SIPA1L1: variants seen among roughly 807,000 people sequenced by gnomAD.
The protein encoded by SIPA1L1 is signal-induced proliferation-associated 1-like protein 1.
Under a neutral mutation model 162.7 loss-of-function variants are expected in SIPA1L1, and 26 were observed. The observed-to-expected ratio is 0.16, with a 90% confidence interval of 0.12 to 0.22. The LOEUF is 0.22. Among genes scored for constraint, SIPA1L1 ranks in the 10% least tolerant of loss-of-function variants. SIPA1L1 has a pLI of 1.00. For synonymous variants in SIPA1L1, 829 were observed against 837.4 expected (o/e 0.99, Z 0.17); for missense variants, 1,874 against 2,241.0 (o/e 0.84, Z 3.31).
intron 5 of SIPA1L1, among the ~76,000 whole-genome samples, chr14:71,595,115 C>A (rs533914886): frequency 5.3e-5 from 8 of 152,092 alleles, no homozygotes; most frequent in Admixed American, 3.9e-4. Context: ...CTTAAAAGGG[C>A]GTGGGCTTCA....
intron 3 of SIPA1L1, 84 bp from the exon 4 acceptor site, chr14:71,529,228 A>G (rs777659044): frequency 4.0e-5 from 18 of 449,936 alleles, no homozygotes; most frequent in Non-Finnish European, 3.9e-5. Flanking sequence ...AACAAAGATA[A>G]GACCTGTGTA....
At chr14:71,342,967 G>A (rs1396211993) in intron 2 of SIPA1L1, among the ~76,000 whole-genome samples, 1 of 152,196 alleles carries the variant, frequency 6.6e-6, no homozygotes, top group African/African-American at 2.4e-5. Flanking sequence ...AGGCCACGAT[G>A]TGCCTTCTAA....
intron 2 of SIPA1L1, among the ~76,000 whole-genome samples, chr14:71,476,204 A>G (rs894339557): frequency 2.0e-5 from 3 of 152,200 alleles, no homozygotes; most frequent in Non-Finnish European, 2.9e-5. Context: ...TGAAGGAGGT[A>G]TGTATAACCC....
At chr14:71,344,642 C>T (rs1016072696) in intron 2 of SIPA1L1, among the ~76,000 whole-genome samples, 8 of 152,168 alleles carry the variant, frequency 5.3e-5, no homozygotes, top group South Asian at 4.1e-4. Flanking sequence ...TCACTGCAAC[C>T]GCTGCCTCCT....
In SIPA1L1 at chr14:71,661,470, G is replaced by A; in HGVS notation, c.2255+3G>A. Reference sequence around the variant, plus strand: ...TGCTCTGACAGTGTCTGTTATAGGTGTGTATGGGTGTCACAGCAGGGGCTC... The same window carrying A: ...TGCTCTGACAGTGTCTGTTATAGGTATGTATGGGTGTCACAGCAGGGGCTC... On this transcript the variant is annotated splice_donor_region_variant and intron_variant, in intron 10 of 23. Transcript: ENST00000381232. The A allele has an allele frequency of 6.2e-7, 1 of 1,611,448 alleles. No homozygotes were observed. Among genetic ancestry groups the A allele is most frequent in the Non-Finnish European group, 8.5e-7 (1 of 1,178,182 alleles).
At chr14:71,727,758 G>GGGGCTGC (rs1279938069) in intron 19 of SIPA1L1, among the ~76,000 whole-genome samples, 1 of 152,262 alleles carries the variant, frequency 6.6e-6, no homozygotes, top group Non-Finnish European at 1.5e-5. Flanking sequence ...AAGGCAGGCA[G>GGGGCTGC]GGGCTGCTCT....
Position 71,658,314 on chromosome 14 carries a change from A to T in SIPA1L1, c.1994-19A>T. On this transcript the variant is annotated intron_variant, in intron 8 of 23. Coordinates refer to ENST00000381232, the MANE Select transcript of SIPA1L1 (RefSeq NM_001386936.1). ...TTCCTGTTATAGTCATCTCATCATT[A>T]TATTTTTTTTAACTGTAGCTGACTC... 8.2e-7 allele frequency: 1 copy of T among 1,225,452 alleles called. No homozygotes were observed. Among genetic ancestry groups the T allele is most frequent in the Middle Eastern group, 1.9e-4 (1 of 5,326 alleles). 75.9% of individuals were successfully genotyped at this position (1,225,452 alleles called of 1,614,324 possible). A position where few individuals can be genotyped will look rare whatever the true frequency, so the allele number is the denominator to read the frequency against.
At chr14:71,513,043 T>A (rs2051323403) in intron 3 of SIPA1L1, among the ~76,000 whole-genome samples, 198 bp downstream of exon 3, 1 of 152,198 alleles carries the variant, frequency 6.6e-6, no homozygotes, top group Admixed American at 6.5e-5. Flanking sequence ...TACTGACTGA[T>A]GTCTCGTGTC....
rs376098069 is a variant in SIPA1L1, at chr14:71,326,312, G to A, written c.-465+5131G>A. 2.4e-4 allele frequency among the ~76,000 whole-genome samples: 37 copies of A among 151,714 alleles called. No individual in the cohort carries two copies. The South Asian group carries it at 6.7e-3, about 27-fold the overall frequency. On this transcript the variant is annotated intron_variant, in intron 2 of 23. Transcript: ENST00000381232. Reference sequence around the variant, plus strand: ...CAACCTCTGCCTCCTGGGTTCAAGCGATTCTCCTGCCTCAGCCTCCCGAGT... The same window carrying A: ...CAACCTCTGCCTCCTGGGTTCAAGCAATTCTCCTGCCTCAGCCTCCCGAGT...
intron 7 of SIPA1L1, among the ~76,000 whole-genome samples, chr14:71,647,149 AG>A (rs2042240393): frequency 6.6e-6 from 1 of 152,142 alleles, no homozygotes; most frequent in African/African-American, 2.4e-5. Flanking sequence ...GTCACCTTTG[AG>A]GATACAGCAA....
chr14:71,323,675 G>GA lies in SIPA1L1; in HGVS notation c.-465+2498dup, dbSNP rs568182362. Among the ~76,000 whole-genome samples, 42 of 152,170 alleles carry GA rather than the reference G, an allele frequency of 2.8e-4. 2 individuals are homozygous for GA. The South Asian group carries it at 8.7e-3, about 32-fold the overall frequency. ...GATCAAATCATGGAAGTTCAAATCT[G>GA]AAAATAAATTCAGAAATTTCTTTTT... On this transcript the variant is annotated intron_variant, in intron 2 of 23. Coordinates refer to ENST00000381232, the MANE Select transcript of SIPA1L1 (RefSeq NM_001386936.1).
intron 2 of SIPA1L1, among the ~76,000 whole-genome samples, chr14:71,365,489 G>C (rs1387618961): frequency 2.0e-5 from 3 of 152,058 alleles, no homozygotes. Flanking sequence ...CCTTTGTGTC[G>C]TCTGTGTGCC....
intron 2 of SIPA1L1, among the ~76,000 whole-genome samples, chr14:71,346,488 C>G (rs907059045): frequency 9.2e-5 from 14 of 152,070 alleles, no homozygotes; most frequent in African/African-American, 3.4e-4. Context: ...TCATGAAGCT[C>G]AGAGCAAAGA....
chr14:71,343,274 T>C (rs1471729571), intron 2 of SIPA1L1, among the ~76,000 whole-genome samples: 1 of 152,238 alleles, frequency 6.6e-6, no homozygotes, highest in Admixed American at 6.5e-5. Context: ...AAAGTCCGTT[T>C]CTAAATATTA....
At chr14:71,438,052 T>A in intron 2 of SIPA1L1, among the ~76,000 whole-genome samples, 1 of 152,204 alleles carries the variant, frequency 6.6e-6, no homozygotes, top group East Asian at 1.9e-4. Flanking sequence ...GCCATTAAAT[T>A]CTGTTAAAGA....
intron 4 of SIPA1L1, among the ~76,000 whole-genome samples, chr14:71,572,303 A>T (rs1462310949): frequency 1.3e-5 from 2 of 152,216 alleles, no homozygotes; most frequent in Non-Finnish European, 2.9e-5. Flanking sequence ...GGGTACAAAT[A>T]TTCGGACCAT....
At chr14:71,347,081 A>G (rs1314113656) in intron 2 of SIPA1L1, among the ~76,000 whole-genome samples, 1 of 149,176 alleles carries the variant, frequency 6.7e-6, no homozygotes, top group Non-Finnish European at 1.5e-5. Flanking sequence ...CCCCCCGAGT[A>G]GTTGGGATTA....
chr14:71,549,991 G>A (rs1412953355), intron 4 of SIPA1L1, among the ~76,000 whole-genome samples: 2 of 145,118 alleles, frequency 1.4e-5, no homozygotes, highest in African/African-American at 2.6e-5. Flanking sequence ...GGGTGTGGTG[G>A]CTCACACCTG....
chr14:71,618,948 G>C, intron 6 of SIPA1L1, 61 bp downstream of exon 6: 3 of 1,568,622 alleles, frequency 1.9e-6, no homozygotes, highest in Non-Finnish European at 2.6e-6. Context: ...GCAAATAGTA[G>C]CAGTAGCAAA....
Sources: gnomAD v4.1 joint callset for allele counts (sites outside exome capture counted in the v4.1 genomes callset) on GRCh38, gnomAD v4.1.1 for gene constraint, MANE v1.5 for transcripts, NCBI Gene and HGNC (gene_info 2026-07-23, HGNC 2026-07-21) for gene names.